The following OTUD7A variants were observed in gnomAD, a reference collection of about 807,000 sequenced individuals.
OTUD7A encodes the protein OTU domain-containing protein 7A.
Under a neutral mutation model 65.7 loss-of-function variants are expected in OTUD7A, and 12 were observed. The ratio of observed to expected loss-of-function variants is 0.18; its 90% CI spans 0.12 to 0.30. OTUD7A has a LOEUF of 0.30. OTUD7A is among the 10% of genes least tolerant of loss of function. OTUD7A has a pLI of 1.00. For synonymous variants in OTUD7A, 641 were observed against 586.3 expected, an observed-to-expected ratio of 1.09 and a Z score of -1.35; for missense variants, 1,148 against 1,304.8, an observed-to-expected ratio of 0.88 and a Z score of 1.85.
chr15:31,841,469 G>A (rs1024739690), intron 1 of OTUD7A, among the ~76,000 whole-genome samples: 1 of 152,122 alleles, frequency 6.6e-6, no homozygotes, highest in Non-Finnish European at 1.5e-5. Context: ...GTGGCTCTAC[G>A]CTGCCTCTGC....
intron 6 of OTUD7A, among the ~76,000 whole-genome samples, chr15:31,528,315 G>A (rs2042042129): frequency 1.3e-5 from 2 of 152,222 alleles, no homozygotes; most frequent in Admixed American, 6.5e-5. Context: ...CCCAGCACAG[G>A]GAAAGGCCAG....
chr15:31,622,321 G>A (rs1037253340), intron 3 of OTUD7A, among the ~76,000 whole-genome samples: 43 of 152,110 alleles, frequency 2.8e-4, no homozygotes, highest in South Asian at 1.2e-3. Flanking sequence ...GCCTTGCTAG[G>A]TTGGGGAAGT....
chr15:31,503,664 T>A (rs202151397), intron 9 of OTUD7A, 27 bp downstream of exon 9: 51 of 1,613,894 alleles, frequency 3.2e-5, no homozygotes, highest in Non-Finnish European at 4.1e-5. Context: ...GTGTCATGAA[T>A]ACAACACATC....
At chr15:31,767,504 G>C in intron 1 of OTUD7A, 1 of 772,370 alleles carries the variant, frequency 1.3e-6, no homozygotes, top group African/African-American at 1.7e-5. Flanking sequence ...CATCTGATTT[G>C]TTTTGTAGTA....
intron 1 of OTUD7A, among the ~76,000 whole-genome samples, chr15:31,778,287 TC>T (rs1895442319): frequency 6.6e-6 from 1 of 152,082 alleles, no homozygotes; most frequent in Non-Finnish European, 1.5e-5. Context: ...GCAATAATCT[TC>T]ACAGGTAAAA....
At chr15:31,494,506 T>C (rs1042252799) in intron 10 of OTUD7A, among the ~76,000 whole-genome samples, 2 of 152,216 alleles carry the variant, frequency 1.3e-5, no homozygotes, top group African/African-American at 4.8e-5. Flanking sequence ...GCAGCCTGAA[T>C]TGACTAAGAC....
intron 1 of OTUD7A, among the ~76,000 whole-genome samples, chr15:31,658,793 C>T (rs1418526564): frequency 6.6e-6 from 1 of 150,908 alleles, no homozygotes; most frequent in Non-Finnish European, 1.5e-5. Context: ...TTTGGGAGGC[C>T]GAGGCTCGTA....
chr15:31,795,180 T>G (rs961435297), intron 1 of OTUD7A, among the ~76,000 whole-genome samples: 4 of 152,226 alleles, frequency 2.6e-5, no homozygotes, highest in Non-Finnish European at 5.9e-5. Context: ...CAGACTCAGT[T>G]CCTTTGGGGC....
At chr15:31,736,553 T>C (rs2141367751) in intron 1 of OTUD7A, among the ~76,000 whole-genome samples, 1 of 151,000 alleles carries the variant, frequency 6.6e-6, no homozygotes, top group Non-Finnish European at 1.5e-5. Flanking sequence ...AGGGAGGGAG[T>C]GTACGCCTCA....
intron 1 of OTUD7A, among the ~76,000 whole-genome samples, chr15:31,793,844 T>C (rs1430506226): frequency 6.6e-6 from 1 of 152,226 alleles, no homozygotes; most frequent in Non-Finnish European, 1.5e-5. Flanking sequence ...TTGGTTGCTG[T>C]TGATTTGAAG....
chr15:31,653,382 T>TG (rs1179542106), intron 3 of OTUD7A, among the ~76,000 whole-genome samples: 1 of 152,182 alleles, frequency 6.6e-6, no homozygotes, highest in African/African-American at 2.4e-5. Flanking sequence ...CCTGGACAGA[T>TG]GAGTGGAGAA....
intron 3 of OTUD7A, among the ~76,000 whole-genome samples, chr15:31,585,414 AAT>A (rs1202358727): frequency 1.3e-5 from 2 of 152,206 alleles, no homozygotes; most frequent in African/African-American, 4.8e-5. Flanking sequence ...AGCTCTGGGG[AAT>A]CTCATCCTCA....
intron 3 of OTUD7A, among the ~76,000 whole-genome samples, chr15:31,629,205 T>A (rs1377639396): frequency 1.3e-5 from 2 of 152,192 alleles, no homozygotes; most frequent in African/African-American, 4.8e-5. Flanking sequence ...TTTTTGCCCA[T>A]TCAGTATGAT....
intron 3 of OTUD7A, among the ~76,000 whole-genome samples, chr15:31,611,218 T>C (rs8034195): frequency 0.29 from 43,580 of 151,888 alleles, 7,373 homozygotes; most frequent in African/African-American, 0.47. Context: ...GAGCACAAAC[T>C]GACATTCTCA....
At chr15:31,813,638 T>C (rs781235118) in intron 1 of OTUD7A, among the ~76,000 whole-genome samples, 20 of 152,246 alleles carry the variant, frequency 1.3e-4, no homozygotes, top group Non-Finnish European at 2.4e-4. Flanking sequence ...CTAATGGACA[T>C]TGTGCATCTT....
At chr15:31,514,607 C>G (rs2041815073) in intron 8 of OTUD7A, among the ~76,000 whole-genome samples, 1 of 152,180 alleles carries the variant, frequency 6.6e-6, no homozygotes, top group Non-Finnish European at 1.5e-5. Context: ...TGTTCGTATT[C>G]ATTCTAAAGC....
At chr15:31,632,569 C>G (rs541022836) in intron 3 of OTUD7A, among the ~76,000 whole-genome samples, 3 of 152,366 alleles carry the variant, frequency 2.0e-5, no homozygotes, top group South Asian at 2.1e-4. Context: ...GCTCGGGGGT[C>G]AAGGACCCAC....
chr15:31,589,102 T>A (rs369867657), intron 3 of OTUD7A, among the ~76,000 whole-genome samples: 1 of 152,316 alleles, frequency 6.6e-6, no homozygotes, highest in East Asian at 1.9e-4. Flanking sequence ...TAGTTGCTTC[T>A]ACCTCAAACA....
chr15:31,592,604 C>G (rs1303551076), intron 3 of OTUD7A, among the ~76,000 whole-genome samples: 1 of 151,642 alleles, frequency 6.6e-6, no homozygotes, highest in African/African-American at 2.4e-5. Context: ...TAAGTAGGGC[C>G]GCGCGGTGGC....
Sources: allele counts gnomAD v4.1 joint callset (sites outside exome capture counted in the v4.1 genomes callset), GRCh38; gene constraint gnomAD v4.1.1; transcripts MANE v1.5; gene names NCBI Gene and HGNC (gene_info 2026-07-23, HGNC 2026-07-21).